Variants in SDK2 observed in about 807,000 individuals in gnomAD.
SDK2 encodes sidekick cell adhesion molecule 2, also known as protein sidekick-2.
In SDK2, 105 loss-of-function variants were observed where a neutral mutation model predicts 253.9. That is an observed-to-expected ratio of 0.41 (90% CI 0.35 to 0.49). The LOEUF (loss-of-function observed/expected upper bound fraction) is 0.49. Among genes scored for constraint, SDK2 ranks in the 20% least tolerant of loss-of-function variants. The probability of loss-of-function intolerance (pLI) is 0.06; values close to 1 mark genes in which losing one functional copy is unlikely to be tolerated. For missense variants in SDK2, 2,608 were observed against 3,003.0 expected, an observed-to-expected ratio of 0.87 and a Z score of 3.07; for synonymous variants, 1,249 against 1,234.9, an observed-to-expected ratio of 1.01 and a Z score of -0.24.
At chr17:73,454,059 T>C (rs2145657486) in intron 4 of SDK2, among the ~76,000 whole-genome samples, 1 of 152,374 alleles carries the variant, frequency 6.6e-6, no homozygotes, top group African/African-American at 2.4e-5. Flanking sequence ...TTGCCTACAG[T>C]ACAGTAACAT....
chr17:73,487,203 G>A (rs2145723190), intron 2 of SDK2, among the ~76,000 whole-genome samples: 1 of 152,318 alleles, frequency 6.6e-6, no homozygotes, highest in East Asian at 1.9e-4. Flanking sequence ...CAAAGTGCTG[G>A]GATTACAAGT....
At chr17:73,572,206 AG>A (rs2045398467) in intron 1 of SDK2, among the ~76,000 whole-genome samples, 1 of 152,130 alleles carries the variant, frequency 6.6e-6, no homozygotes, top group African/African-American at 2.4e-5. Context: ...AACAGAGGTA[AG>A]GGTGGTTGTC....
intron 2 of SDK2, among the ~76,000 whole-genome samples, chr17:73,489,811 G>A (rs548281750): frequency 7.9e-5 from 12 of 152,202 alleles, no homozygotes; most frequent in Non-Finnish European, 1.6e-4. Context: ...TATGCCCACC[G>A]CTATATCATC....
Position 73,351,139 on chromosome 17 carries a change from C to T in SDK2, c.5759-349G>A, listed in dbSNP as rs369767501. On this transcript the variant is annotated intron_variant, in intron 41 of 44. Transcript: ENST00000392650. ...TTTTTTTTTTTTTGAGACGGAGTTTCACTCTTATTTCCCAGGCTGGAGTGC... is the reference window on the plus strand; with the variant it reads ...TTTTTTTTTTTTTGAGACGGAGTTTTACTCTTATTTCCCAGGCTGGAGTGC... Among the ~76,000 whole-genome samples the T allele has an allele frequency of 8.8e-4, 131 of 148,754 alleles. No individual in the cohort carries two copies. In the South Asian group the frequency reaches 0.013, roughly 14 times the overall value.
intron 1 of SDK2, among the ~76,000 whole-genome samples, chr17:73,611,545 C>T (rs887441513): frequency 1.3e-5 from 2 of 152,230 alleles, no homozygotes; most frequent in African/African-American, 4.8e-5. Context: ...TTCCCTAGTT[C>T]CCCTGTGGCC....
At chr17:73,492,656 T>C (rs1387347593) in intron 2 of SDK2, among the ~76,000 whole-genome samples, 1 of 152,040 alleles carries the variant, frequency 6.6e-6, no homozygotes. Context: ...GTCTCTGCCA[T>C]CCCAGCGGAC....
At chr17:73,567,058 TG>T (rs1443424714) in intron 1 of SDK2, among the ~76,000 whole-genome samples, 3 of 152,028 alleles carry the variant, frequency 2.0e-5, no homozygotes, top group Non-Finnish European at 4.4e-5. Context: ...AAAAAAGACC[TG>T]GAAGACATTT....
chr17:73,546,321 G>A (rs566362882), intron 1 of SDK2, among the ~76,000 whole-genome samples: 3 of 152,338 alleles, frequency 2.0e-5, no homozygotes, highest in East Asian at 1.9e-4. Flanking sequence ...GGGACTTGAC[G>A]GGCCTGGCGG....
At position 73,375,524 on chromosome 17, in the gene SDK2, G is replaced by C. The variant is rs2062770707; in HGVS notation, c.4980+3653C>G. Among the ~76,000 whole-genome samples, 3 of 152,238 alleles carry C rather than the reference G, an allele frequency of 2.0e-5. 1 individual carries two copies. In the South Asian group the frequency reaches 6.2e-4, roughly 32 times the overall value. On this transcript the variant is annotated intron_variant, in intron 36 of 44. Transcript: ENST00000392650. ...GGCCTTTCAAAGCGCCAGGATTACA[G>C]TTGTGAGCCACTGAGCCCAGCCCTT...
chr17:73,614,174 C>G (rs1442937206), intron 1 of SDK2, among the ~76,000 whole-genome samples: 3 of 151,476 alleles, frequency 2.0e-5, no homozygotes, highest in Non-Finnish European at 4.4e-5. Context: ...CATGCCAGGG[C>G]CCTTGCAGCC....
Position 73,456,135 on chromosome 17 carries a change from G to T in SDK2, c.332-82C>A, listed in dbSNP as rs563164618. On this transcript the variant is annotated intron_variant, in intron 3 of 44. Transcript: ENST00000392650. Reference sequence around the variant, plus strand: ...CCCAGCTCCCAGGTTGGGAGTGGTGGCTATGGACGGAAAATTCGGGGCAGA... The same window carrying T: ...CCCAGCTCCCAGGTTGGGAGTGGTGTCTATGGACGGAAAATTCGGGGCAGA... 1,259 of 1,390,308 alleles carry T rather than the reference G, an allele frequency of 9.1e-4. 2 individuals are homozygous for T. Among genetic ancestry groups the T allele is most frequent in the Non-Finnish European group, 1.1e-3 (1,201 of 1,065,182 alleles). The allele number at this position is 1,390,308 out of a possible 1,614,324, so 86.1% of individuals were successfully genotyped here.
In SDK2 at chr17:73,395,453, A is replaced by C; in HGVS notation, c.3355-61T>G. ...CCAGGCCCCCCACTGTGCAGGGAGG[A>C]ACTGCCCTGCTACCCTCTCCTCCAG... On this transcript the variant is annotated intron_variant, in intron 24 of 44. Coordinates refer to ENST00000392650, the MANE Select transcript of SDK2 (RefSeq NM_001144952.2). The surrounding 1 kb of genome is among the most constrained non-coding windows in gnomAD (Gnocchi z 4.3). 7.2e-7 allele frequency: 1 copy of C among 1,390,348 alleles called. No individual in the cohort carries two copies. The highest frequency in any genetic ancestry group is 1.0e-6 in the Non-Finnish European group (1 of 984,280). The allele number at this position is 1,390,348 out of a possible 1,614,324, so 86.1% of individuals were successfully genotyped here. A position where few individuals can be genotyped will look rare whatever the true frequency, so the allele number is the denominator to read the frequency against.
chr17:73,552,337 G>C (rs1326795408), intron 1 of SDK2, among the ~76,000 whole-genome samples: 3 of 152,160 alleles, frequency 2.0e-5, no homozygotes, highest in Non-Finnish European at 2.9e-5. Flanking sequence ...TCAATAAAGA[G>C]GGTAATTTTC....
At position 73,388,316 on chromosome 17, in the gene SDK2, T is replaced by C. The variant is rs9915160; in HGVS notation, c.4193-279A>G. On this transcript the variant is annotated intron_variant, in intron 29 of 44. Coordinates refer to ENST00000392650, the MANE Select transcript of SDK2 (RefSeq NM_001144952.2). ...CTAAGCAAGGATTGACGGTGAGGAGTGACAAACACCCACCCAGCTCCTTTG... is the reference window on the plus strand; with the variant it reads ...CTAAGCAAGGATTGACGGTGAGGAGCGACAAACACCCACCCAGCTCCTTTG... Among the ~76,000 whole-genome samples, 87 of 152,280 alleles carry C rather than the reference T, an allele frequency of 5.7e-4. 1 individual carries two copies. The highest frequency in any genetic ancestry group is 2.0e-3 in the African/African-American group (85 of 41,558).
chr17:73,447,693 C>A lies in SDK2; in HGVS notation c.535G>T (p.Gly179Cys). The A allele has an allele frequency of 6.4e-7, 1 of 1,551,792 alleles. No homozygotes were observed. The highest frequency in any genetic ancestry group is 8.7e-7 in the Non-Finnish European group (1 of 1,147,008). ...TTAACAGCCTGCACATAGTAGCGACCTGCGTCAGGGGCCACCGTTGACAGG... is the reference window on the plus strand; with the variant it reads ...TTAACAGCCTGCACATAGTAGCGACATGCGTCAGGGGCCACCGTTGACAGG... Reference protein sequence around the residue: ...VILSTVAPDAGRYYVQAVNDK... With the variant: ...VILSTVAPDACRYYVQAVNDK... Residue 179 changes from glycine (G) to cysteine (C), a missense_variant, in exon 5 of 45, where the codon GGT becomes TGT. Gly to Cys is a radical substitution (Grantham distance 159, BLOSUM62 -3). This residue lies in a region of SDK2 where 1,505 missense variants were observed against 1,859.1 expected (regional missense o/e 0.81). Transcript: ENST00000392650. The surrounding 1 kb of genome is among the most constrained non-coding windows in gnomAD (Gnocchi z 4.0).
chr17:73,577,150 C>T lies in SDK2; in HGVS notation c.64+66875G>A, dbSNP rs190692035. Among the ~76,000 whole-genome samples, 296 of 152,288 alleles carry T rather than the reference C, an allele frequency of 1.9e-3. 1 individual carries two copies. Among genetic ancestry groups the T allele is most frequent in the Non-Finnish European group, 3.3e-3 (223 of 68,032 alleles). On this transcript the variant is annotated intron_variant, in intron 1 of 44. Transcript: ENST00000392650. ...TGGAATGACTGTCCTGGAAGCAGAT[C>T]CTTGGACCTGAAATCCGGGTCCAGA...
In SDK2 at chr17:73,368,542, G is replaced by A; in HGVS notation, c.5032C>T (p.Leu1678Phe). 1.2e-6 allele frequency: 2 copies of A among 1,608,682 alleles called. No homozygotes were observed. The highest frequency in any genetic ancestry group is 1.7e-6 in the Non-Finnish European group (2 of 1,177,848). ...RGNLTERVKT[L>F]FLAENSVKLK... ...TTCACGCTGTTCTCAGCCAGGAAAA[G>A]CGTCTTCACTCGCTCTGTGAGGTTC... The change falls in exon 37 of 45, where the codon CTT becomes TTT. Residue 1678 changes from leucine (L) to phenylalanine (F), a missense_variant. This residue lies in a region of SDK2 where 1,103 missense variants were observed against 1,143.9 expected (regional missense o/e 0.96). Transcript: ENST00000392650.
intron 16 of SDK2, 142 bp from the exon 17 acceptor site, chr17:73,416,134 C>A (rs1291602353): frequency 4.7e-6 from 3 of 635,596 alleles, no homozygotes; most frequent in Non-Finnish European, 7.9e-6. Flanking sequence ...CGACAGGGTG[C>A]CCGCCAGCAC....
At chr17:73,373,524 A>G (rs1047593836) in intron 36 of SDK2, among the ~76,000 whole-genome samples, 4 of 152,022 alleles carry the variant, frequency 2.6e-5, no homozygotes, top group African/African-American at 9.7e-5. Context: ...ACCACCACTT[A>G]TCTCTAGACT....
Sources: allele counts gnomAD v4.1 joint callset (sites outside exome capture counted in the v4.1 genomes callset), GRCh38; gene constraint gnomAD v4.1.1; regional missense constraint gnomAD v4.1.1; non-coding constraint Gnocchi (gnomAD v3.1); transcripts MANE v1.5; gene names NCBI Gene and HGNC (gene_info 2026-07-23, HGNC 2026-07-21).